The following ARHGEF3 variants were observed in gnomAD, a reference collection of about 807,000 sequenced individuals.
The protein encoded by ARHGEF3 is 59.8 kDA protein.
Under a neutral mutation model 63.2 loss-of-function variants are expected in ARHGEF3, and 28 were observed. That is an observed-to-expected ratio of 0.44 (90% confidence interval 0.33 to 0.61). ARHGEF3 has a LOEUF of 0.61. ARHGEF3 is among the 20% of genes least tolerant of loss of function. The probability of loss-of-function intolerance (pLI) is 0.03; values close to 1 mark genes in which losing one functional copy is unlikely to be tolerated. For synonymous variants in ARHGEF3, 266 were observed against 254.2 expected (o/e 1.05, Z -0.44); for missense variants, 533 against 659.3 (o/e 0.81, Z 2.10).
chr3:57,028,455 C>T (rs1306907879), intron 2 of ARHGEF3, among the ~76,000 whole-genome samples: 4 of 100,236 alleles, frequency 4.0e-5, no homozygotes, highest in Non-Finnish European at 8.0e-5. Flanking sequence ...AAAAACCAAA[C>T]ACCGCATATT....
chr3:57,004,477 G>A (rs747847394), intron 2 of ARHGEF3, among the ~76,000 whole-genome samples: 1 of 152,136 alleles, frequency 6.6e-6, no homozygotes, highest in African/African-American at 2.4e-5. Context: ...GCTGATGCCC[G>A]ACATTTCCTT....
intron 3 of ARHGEF3, among the ~76,000 whole-genome samples, chr3:56,943,653 A>G (rs2108431209): frequency 6.6e-6 from 1 of 152,236 alleles, no homozygotes; most frequent in Non-Finnish European, 1.5e-5. Flanking sequence ...AGTGGTTCAC[A>G]ACTGTAATCC....
chr3:56,923,075 T>TATATATATATATATAA (rs1560053971), intron 3 of ARHGEF3, among the ~76,000 whole-genome samples: 1 of 127,690 alleles, frequency 7.8e-6, no homozygotes, highest in Non-Finnish European at 1.6e-5. Context: ...TATATATATA[T>TATATATATATATATAA]AAATTAGTTG....
chr3:56,968,168 T>TAC (rs1382615916), intron 2 of ARHGEF3, among the ~76,000 whole-genome samples: 2 of 25,996 alleles, frequency 7.7e-5, no homozygotes, highest in African/African-American at 2.2e-4. Context: ...ATATATTATA[T>TAC]AATATATATA....
intron 3 of ARHGEF3, among the ~76,000 whole-genome samples, 168 bp downstream of exon 3, chr3:56,754,813 G>C (rs1440399812): frequency 6.6e-6 from 1 of 152,164 alleles, no homozygotes; most frequent in African/African-American, 2.4e-5. Context: ...CCTCCCAGCT[G>C]GTTTCTGGTT....
chr3:56,971,905 C>G (rs2106851229), intron 2 of ARHGEF3, among the ~76,000 whole-genome samples: 1 of 152,022 alleles, frequency 6.6e-6, no homozygotes, highest in Non-Finnish European at 1.5e-5. Context: ...ATGATTTTCA[C>G]CTTACTAACC....
chr3:56,842,322 T>C (rs1479308971), intron 4 of ARHGEF3, among the ~76,000 whole-genome samples: 1 of 152,216 alleles, frequency 6.6e-6, no homozygotes, highest in Non-Finnish European at 1.5e-5. Flanking sequence ...TAGCAGATCT[T>C]TCTTGGATCT....
intron 3 of ARHGEF3, among the ~76,000 whole-genome samples, chr3:56,937,001 G>A (rs1480199531): frequency 2.6e-5 from 4 of 152,334 alleles, no homozygotes; most frequent in Admixed American, 6.5e-5. Flanking sequence ...TTACAGGCAT[G>A]AGCCACTGTG....
chr3:56,845,935 C>T (rs1258474709), intron 4 of ARHGEF3, among the ~76,000 whole-genome samples: 1 of 152,198 alleles, frequency 6.6e-6, no homozygotes, highest in Non-Finnish European at 1.5e-5. Context: ...CAGTGCCCAG[C>T]ATAGTGTTTA....
chr3:56,859,337 C>T (rs190360179), intron 4 of ARHGEF3, among the ~76,000 whole-genome samples: 1 of 151,574 alleles, frequency 6.6e-6, no homozygotes, highest in Non-Finnish European at 1.5e-5. Flanking sequence ...GACAGGGTTT[C>T]ACCGTGTTAG....
At chr3:56,754,237 C>A (rs1578418226) in intron 3 of ARHGEF3, among the ~76,000 whole-genome samples, 1 of 152,160 alleles carries the variant, frequency 6.6e-6, no homozygotes, top group East Asian at 1.9e-4. Flanking sequence ...TGCTAAAGAG[C>A]TATGATGCAC....
In ARHGEF3 at chr3:56,737,192, C is replaced by T. The variant is rs1214212930; in HGVS notation, c.1034G>A (p.Arg345Gln). 1.1e-5 allele frequency: 18 copies of T among 1,613,368 alleles called. No homozygotes were observed. Among genetic ancestry groups the T allele is most frequent in the East Asian group, 4.5e-5 (2 of 44,886 alleles). ...LCCHGELKNN[R>Q]GVKLHVFLFQ... Reference sequence around the variant, plus strand: ...AAGGGAGTAACTACTTACCACGCCCCGATTGTTCTTCAGTTCACCATGACA... The same window carrying T: ...AAGGGAGTAACTACTTACCACGCCCTGATTGTTCTTCAGTTCACCATGACA... The change falls in exon 8 of 10, where the codon CGG (arginine) becomes CAG (glutamine). Residue 345 changes from arginine (R) to glutamine (Q), a missense_variant. Around this residue, in one of 4 missense-constraint regions of ARHGEF3, gnomAD observed 151 missense variants for 190.7 expected, o/e 0.79. Transcript: ENST00000296315.
chr3:56,835,304 T>C (rs2039072503), intron 4 of ARHGEF3, among the ~76,000 whole-genome samples: 1 of 151,988 alleles, frequency 6.6e-6, no homozygotes, highest in African/African-American at 2.4e-5. Context: ...GCCTCCTGAG[T>C]AGCTGGGATT....
intron 4 of ARHGEF3, among the ~76,000 whole-genome samples, chr3:56,836,885 C>A (rs946119462): frequency 1.3e-5 from 2 of 152,102 alleles, no homozygotes; most frequent in Non-Finnish European, 2.9e-5. Flanking sequence ...CGTGATTGTG[C>A]CACTGCACTC....
intron 1 of ARHGEF3, among the ~76,000 whole-genome samples, chr3:57,046,559 G>T (rs1445134620): frequency 1.3e-5 from 2 of 152,218 alleles, no homozygotes; most frequent in Admixed American, 6.5e-5. Flanking sequence ...ATCCTGCAGA[G>T]TTCAAAATTC....
intron 9 of ARHGEF3, among the ~76,000 whole-genome samples, chr3:56,730,186 A>G (rs1000408028): frequency 1.3e-5 from 2 of 152,228 alleles, no homozygotes; most frequent in African/African-American, 4.8e-5. Flanking sequence ...TTTCAGTTTA[A>G]GAGGCTCTTT....
chr3:56,915,385 G>C (rs974972195), intron 3 of ARHGEF3, among the ~76,000 whole-genome samples: 3 of 152,106 alleles, frequency 2.0e-5, no homozygotes, highest in Non-Finnish European at 4.4e-5. Flanking sequence ...AGGACTGCTT[G>C]AGCCCGGGCG....
intron 3 of ARHGEF3, among the ~76,000 whole-genome samples, chr3:56,916,641 CAA>C (rs987228204): frequency 2.0e-5 from 3 of 152,204 alleles, no homozygotes; most frequent in Non-Finnish European, 4.4e-5. Flanking sequence ...CTGTAAGAGA[CAA>C]ACAGTGCTCA....
intron 7 of ARHGEF3, among the ~76,000 whole-genome samples, chr3:56,740,815 C>G (rs867492762): frequency 6.6e-6 from 1 of 152,184 alleles, no homozygotes; most frequent in African/African-American, 2.4e-5. Flanking sequence ...TTAATCAGCG[C>G]TTGAGTCAAT....
Sources: allele counts gnomAD v4.1 joint callset (sites outside exome capture counted in the v4.1 genomes callset), GRCh38; gene constraint gnomAD v4.1.1; regional missense constraint gnomAD v4.1.1; transcripts MANE v1.5; gene names NCBI Gene and HGNC (gene_info 2026-07-23, HGNC 2026-07-21).